Variants in GRIK1 observed in about 807,000 individuals in gnomAD.
The protein encoded by GRIK1 is glutamate receptor ionotropic, kainate 1.
GRIK1 carries 69 observed loss-of-function variants against 105.7 expected under a neutral mutation model. That is an observed-to-expected ratio of 0.65 (90% CI 0.54 to 0.80). The LOEUF is 0.80. Among genes scored for constraint, GRIK1 ranks in the 30% least tolerant of loss-of-function variants. The pLI is 0.00. For synonymous variants in GRIK1, 438 were observed against 431.3 expected, an observed-to-expected ratio of 1.02 and a Z score of -0.19; for missense variants, 1,109 against 1,167.3, an observed-to-expected ratio of 0.95 and a Z score of 0.73.
intron 1 of GRIK1, among the ~76,000 whole-genome samples, chr21:29,829,387 G>A (rs905599519): frequency 6.6e-6 from 1 of 152,186 alleles, no homozygotes; most frequent in Non-Finnish European, 1.5e-5. Context: ...ATAGTCAGGT[G>A]TAATATTTTA....
chr21:29,560,463 C>T (rs13050116), intron 15 of GRIK1, among the ~76,000 whole-genome samples: 4 of 127,816 alleles, frequency 3.1e-5, no homozygotes, highest in African/African-American at 6.6e-5. Context: ...TTCTTTCCTT[C>T]CTTTCCTTTC....
intron 1 of GRIK1, among the ~76,000 whole-genome samples, chr21:29,807,546 T>C (rs2066899509): frequency 1.3e-5 from 2 of 152,108 alleles, no homozygotes; most frequent in South Asian, 4.1e-4. Context: ...GCCTGCATAG[T>C]TGATCTCAGA....
chr21:29,579,567 A>G (rs2090969904), intron 13 of GRIK1, among the ~76,000 whole-genome samples: 2 of 152,186 alleles, frequency 1.3e-5, no homozygotes, highest in African/African-American at 2.4e-5. Flanking sequence ...ATGTTTTCCA[A>G]TTGAGTACAG....
chr21:29,896,895 C>T (rs459009), intron 1 of GRIK1, among the ~76,000 whole-genome samples: 33,615 of 152,004 alleles, frequency 0.22, 4,250 homozygotes, highest in African/African-American at 0.34. Context: ...TCCAAACTCC[C>T]CTCATTTTTA....
intron 16 of GRIK1, among the ~76,000 whole-genome samples, chr21:29,552,853 GC>G (rs1056212934): frequency 5.9e-5 from 9 of 151,968 alleles, no homozygotes; most frequent in African/African-American, 2.2e-4. Flanking sequence ...ATGAATTTCT[GC>G]CCAGGAATTA....
At chr21:29,537,432 A>C in intron 17 of GRIK1, 47 bp from the exon 18 acceptor site, 1 of 1,495,512 alleles carries the variant, frequency 6.7e-7, no homozygotes. Context: ...AGCCTATCGC[A>C]TGTGCCGTTG....
chr21:29,863,294 C>T (rs2068701203), intron 1 of GRIK1, among the ~76,000 whole-genome samples: 1 of 152,112 alleles, frequency 6.6e-6, no homozygotes, highest in Non-Finnish European at 1.5e-5. Flanking sequence ...GGTCCAAAAA[C>T]CATATATCAC....
intron 1 of GRIK1, among the ~76,000 whole-genome samples, chr21:29,864,317 T>C (rs2068736795): frequency 6.6e-6 from 1 of 151,790 alleles, no homozygotes; most frequent in African/African-American, 2.4e-5. Context: ...TTTACAAGCA[T>C]TACATGCAGG....
intron 1 of GRIK1, among the ~76,000 whole-genome samples, chr21:29,739,352 A>C (rs1423521530): frequency 6.6e-6 from 1 of 152,194 alleles, no homozygotes; most frequent in Non-Finnish European, 1.5e-5. Flanking sequence ...TCCCATAACC[A>C]GTGGTTCTGT....
At chr21:29,638,382 G>A (rs148029314) in intron 7 of GRIK1, among the ~76,000 whole-genome samples, 30 of 152,138 alleles carry the variant, frequency 2.0e-4, no homozygotes, top group African/African-American at 7.2e-4. Flanking sequence ...ACGCCCCCAT[G>A]ATCCAATCAC....
chr21:29,552,693 AGAAAT>A (rs148447771), intron 16 of GRIK1, among the ~76,000 whole-genome samples: 3,711 of 152,206 alleles, frequency 0.024, 71 homozygotes, highest in Non-Finnish European at 0.038. Context: ...AGTGGTAAAT[AGAAAT>A]GAATTAGTAC....
At chr21:29,641,004 G>A (rs2062498950) in intron 7 of GRIK1, among the ~76,000 whole-genome samples, 1 of 152,118 alleles carries the variant, frequency 6.6e-6, no homozygotes, top group Non-Finnish European at 1.5e-5. Flanking sequence ...TATTCTTAGT[G>A]GTGCCTTCCA....
chr21:29,755,777 A>G (rs1378701596), intron 1 of GRIK1, among the ~76,000 whole-genome samples: 1 of 152,242 alleles, frequency 6.6e-6, no homozygotes, highest in African/African-American at 2.4e-5. Context: ...ATAAAATGTC[A>G]GTGTAGGGAC....
At chr21:29,934,506 T>C (rs903884643) in intron 1 of GRIK1, among the ~76,000 whole-genome samples, 10 of 152,094 alleles carry the variant, frequency 6.6e-5, no homozygotes, top group Non-Finnish European at 1.5e-4. Context: ...ATACAGTGTA[T>C]ACTAAGCTGA....
intron 1 of GRIK1, among the ~76,000 whole-genome samples, chr21:29,823,939 T>TTATG (rs1470853034): frequency 6.6e-6 from 1 of 151,942 alleles, no homozygotes; most frequent in Non-Finnish European, 1.5e-5. Flanking sequence ...TTAATGGGAA[T>TTATG]ACCATGGAGG....
intron 15 of GRIK1, among the ~76,000 whole-genome samples, chr21:29,558,718 TA>T (rs201430953): frequency 0.023 from 3,423 of 149,874 alleles, 118 homozygotes; most frequent in African/African-American, 0.077. Flanking sequence ...TTTATATATA[TA>T]TTTTTTTGTA....
At chr21:29,866,797 C>T (rs751258198) in intron 1 of GRIK1, among the ~76,000 whole-genome samples, 2 of 152,168 alleles carry the variant, frequency 1.3e-5, no homozygotes, top group South Asian at 4.1e-4. Flanking sequence ...AAATTTTGAG[C>T]TTTGTATTCA....
Position 29,802,307 on chromosome 21 carries a change from G to C in GRIK1, c.119-108244C>G, listed in dbSNP as rs569219669. 4.6e-5 allele frequency among the ~76,000 whole-genome samples: 7 copies of C among 152,106 alleles called. No individual in the cohort carries two copies. In the South Asian group the frequency reaches 1.5e-3, roughly 32 times the overall value. On this transcript the variant is annotated intron_variant, in intron 1 of 17. Coordinates refer to ENST00000327783, the MANE Select transcript of GRIK1 (RefSeq NM_001330994.2). ...ATGTCTCTGACTACCTTAACTTAAG[G>C]CTTTATTACAAAATGCCTTCGGTAA...
intron 1 of GRIK1, among the ~76,000 whole-genome samples, chr21:29,789,250 C>A (rs554423287): frequency 6.6e-6 from 1 of 152,292 alleles, no homozygotes; most frequent in East Asian, 1.9e-4. Context: ...CAGATGCAGA[C>A]CTTCCAAATT....
Sources: gnomAD v4.1 joint callset for allele counts (sites outside exome capture counted in the v4.1 genomes callset) on GRCh38, gnomAD v4.1.1 for gene constraint, MANE v1.5 for transcripts, NCBI Gene and HGNC (gene_info 2026-07-23, HGNC 2026-07-21) for gene names.